SHMT1: variants seen among roughly 807,000 people sequenced by gnomAD.
The protein encoded by SHMT1 is serine hydroxymethyltransferase, cytosolic.
A neutral mutation model predicts 49.0 loss-of-function variants in SHMT1; 45 were observed. The ratio of observed to expected loss-of-function variants is 0.92; its 90% CI spans 0.72 to 1.18. The LOEUF (loss-of-function observed/expected upper bound fraction) is 1.18, where lower values mean the gene tolerates loss of function less well. Among genes scored for constraint, SHMT1 ranks in the 50% most tolerant of loss-of-function variants. The pLI, the probability that SHMT1 is intolerant of heterozygous loss-of-function variation, is 0.00. For missense variants in SHMT1, 541 were observed against 612.4 expected, an observed-to-expected ratio of 0.88 and a Z score of 1.23; for synonymous variants, 232 against 246.6, an observed-to-expected ratio of 0.94 and a Z score of 0.55.
intron 7 of SHMT1, among the ~76,000 whole-genome samples, chr17:18,337,818 C>G (rs1432806298): frequency 6.6e-6 from 1 of 152,244 alleles, no homozygotes; most frequent in Non-Finnish European, 1.5e-5. Flanking sequence ...GAGTCATCTG[C>G]CAGCCTCGGC....
intron 1 of SHMT1, among the ~76,000 whole-genome samples, chr17:18,357,286 A>G (rs1464029539): frequency 1.1e-5 from 1 of 92,272 alleles, no homozygotes; most frequent in Non-Finnish European, 2.6e-5. Flanking sequence ...CCTCAAAAAA[A>G]AAAAAAAAAA....
intron 10 of SHMT1, 111 bp downstream of exon 10, chr17:18,330,444 A>G (rs1983074544): frequency 1.1e-6 from 1 of 876,142 alleles, no homozygotes; most frequent in Non-Finnish European, 1.9e-6. Context: ...CCCCCACTAC[A>G]GTTTTTATGT....
chr17:18,336,530 G>A (rs936899854), intron 7 of SHMT1, among the ~76,000 whole-genome samples: 3 of 152,144 alleles, frequency 2.0e-5, no homozygotes, highest in Non-Finnish European at 2.9e-5. Context: ...GCTGGGCATG[G>A]TGGCGGGCAT....
At chr17:18,359,765 G>A (rs780052887) in intron 1 of SHMT1, among the ~76,000 whole-genome samples, 1 of 150,906 alleles carries the variant, frequency 6.6e-6, no homozygotes, top group Non-Finnish European at 1.5e-5. Context: ...GGCCAACATG[G>A]TGAAACCCCA....
intron 1 of SHMT1, among the ~76,000 whole-genome samples, chr17:18,358,301 C>A (rs1986445722): frequency 6.6e-6 from 1 of 150,808 alleles, no homozygotes; most frequent in Admixed American, 6.6e-5. Context: ...ACCATCCTGG[C>A]CTACACGGTG....
intron 5 of SHMT1, 59 bp downstream of exon 5, chr17:18,347,437 C>A: frequency 6.3e-7 from 1 of 1,589,518 alleles, no homozygotes; most frequent in Non-Finnish European, 8.6e-7. Flanking sequence ...CCTGCAGGCA[C>A]AGCCAAGCAT....
intron 5 of SHMT1, among the ~76,000 whole-genome samples, chr17:18,343,664 A>T (rs1387060332): frequency 1.3e-5 from 2 of 149,730 alleles, no homozygotes; most frequent in Non-Finnish European, 3.0e-5. Flanking sequence ...TCATGCCTGT[A>T]ATACCAGCAC....
chr17:18,342,556 C>T (rs1203088617), intron 5 of SHMT1, among the ~76,000 whole-genome samples: 2 of 152,094 alleles, frequency 1.3e-5, no homozygotes, highest in Non-Finnish European at 2.9e-5. Context: ...TCAAGTGAGC[C>T]TCCTACCTCG....
At chr17:18,358,903 T>A (rs1320334528) in intron 1 of SHMT1, among the ~76,000 whole-genome samples, 1 of 151,868 alleles carries the variant, frequency 6.6e-6, no homozygotes, top group Non-Finnish European at 1.5e-5. Context: ...ACCCTGTGTG[T>A]GTGTGTTTTT....
Position 18,333,182 on chromosome 17 carries a change from G to A in SHMT1, c.1038C>T (p.Gly346=). 1 of 1,614,056 alleles carries A rather than the reference G, an allele frequency of 6.2e-7. No individual in the cohort carries two copies. The highest frequency in any genetic ancestry group is 1.1e-5 in the South Asian group (1 of 91,086). The change falls in exon 9 of 12, where the codon GGC becomes GGT. Residue 346 remains glycine, a synonymous_variant. Transcript: ENST00000316694. ...RALSEALTEL[G]YKIVTGGSDN... is the part of the protein sequence containing the mutation. Reference sequence around the variant, plus strand: ...TGTCTCTACCTGTGACTATTTTGTAGCCCAGCTCCGTCAGGGCCTCAGACA... The same window carrying A: ...TGTCTCTACCTGTGACTATTTTGTAACCCAGCTCCGTCAGGGCCTCAGACA...
rs970204585 is a variant in SHMT1, at chr17:18,340,763, T to C, written c.570A>G (p.Ala190=). 1.9e-6 allele frequency: 3 copies of C among 1,613,312 alleles called. No individual in the cohort carries two copies. The highest frequency in any genetic ancestry group is 1.3e-5 in the African/African-American group (1 of 75,024). The change falls in exon 6 of 12, where the codon GCA becomes GCG. Residue 190 remains alanine (A), a synonymous_variant. Transcript: ENST00000316694. The surrounding 1 kb of genome is among the most constrained non-coding windows in gnomAD (Gnocchi z 4.5). ...TGATCAGCTTCGGGTGGAAGAGGCG[T>C]GCGTTCTCCTCCAGCTGGTCATAGT... is the stretch of plus-strand genomic sequence containing the variant. ...YINYDQLEEN[A]RLFHPKLIIA...
intron 4 of SHMT1, among the ~76,000 whole-genome samples, chr17:18,347,914 GTTTT>G (rs753251331): frequency 1.5e-5 from 2 of 137,594 alleles, no homozygotes; most frequent in Non-Finnish European, 3.2e-5. Flanking sequence ...ATTTATGGCA[GTTTT>G]TTTTTTTTTT....
intron 9 of SHMT1, chr17:18,331,685 C>G (rs1248285265): frequency 6.6e-6 from 1 of 152,320 alleles, no homozygotes; most frequent in African/African-American, 2.4e-5. Flanking sequence ...CCCAGACCAG[C>G]ATCACCCAAG....
intron 7 of SHMT1, among the ~76,000 whole-genome samples, chr17:18,336,569 A>C (rs1228875428): frequency 2.6e-5 from 4 of 151,132 alleles, no homozygotes; most frequent in Middle Eastern, 3.4e-3. Flanking sequence ...AGGAGGCTGA[A>C]GCAGGAGAAT....
intron 5 of SHMT1, among the ~76,000 whole-genome samples, 158 bp downstream of exon 5, chr17:18,347,338 C>T (rs1349554083): frequency 6.6e-6 from 1 of 152,202 alleles, no homozygotes; most frequent in East Asian, 1.9e-4. Flanking sequence ...CCCAGCGGGT[C>T]CTGAAAACCT....
intron 1 of SHMT1, among the ~76,000 whole-genome samples, chr17:18,361,785 CAAAA>C (rs754941626): frequency 2.3e-5 from 2 of 86,522 alleles, no homozygotes; most frequent in African/African-American, 4.4e-5. Flanking sequence ...GACTCCGTCT[CAAAA>C]AAAAAAAAAA....
At chr17:18,357,003 C>T (rs556173791) in intron 1 of SHMT1, among the ~76,000 whole-genome samples, 3 of 152,094 alleles carry the variant, frequency 2.0e-5, no homozygotes, top group Admixed American at 6.6e-5. Context: ...ATTTTCCGGC[C>T]GGGCACGGTG....
chr17:18,359,753 C>G (rs1051021435), intron 1 of SHMT1, among the ~76,000 whole-genome samples: 1 of 150,656 alleles, frequency 6.6e-6, no homozygotes, highest in Admixed American at 6.6e-5. Flanking sequence ...CAAGACTGTC[C>G]TGGCCAACAT....
intron 7 of SHMT1, among the ~76,000 whole-genome samples, chr17:18,336,042 G>A (rs2151571438): frequency 6.6e-6 from 1 of 152,290 alleles, no homozygotes; most frequent in South Asian, 2.1e-4. Flanking sequence ...ACTTTGGGAG[G>A]CCAAGGCGGG....
Sources: allele counts gnomAD v4.1 joint callset (sites outside exome capture counted in the v4.1 genomes callset), GRCh38; gene constraint gnomAD v4.1.1; non-coding constraint Gnocchi (gnomAD v3.1); transcripts MANE v1.5; gene names NCBI Gene and HGNC (gene_info 2026-07-23, HGNC 2026-07-21).